CCBE1: variants seen among roughly 807,000 people sequenced by gnomAD.
The protein encoded by CCBE1 is collagen and calcium binding EGF domains 1, also known as collagen and calcium-binding EGF domain-containing protein 1.
CCBE1 carries 37 observed loss-of-function variants against 50.0 expected under a neutral mutation model. That is an observed-to-expected ratio of 0.74 (90% CI 0.57 to 0.97). The LOEUF is 0.97. CCBE1 is among the 50% of genes least tolerant of loss of function. The pLI is 0.00. For synonymous variants in CCBE1, 234 were observed against 203.7 expected (o/e 1.15, Z -1.27); for missense variants, 538 against 523.8 (o/e 1.03, Z -0.26).
chr18:59,566,551 G>A (rs547277783), intron 2 of CCBE1, among the ~76,000 whole-genome samples: 1 of 152,248 alleles, frequency 6.6e-6, no homozygotes, highest in African/African-American at 2.4e-5. Flanking sequence ...TCAGGCATTT[G>A]TTTGGAAAAG....
At chr18:59,497,261 T>C (rs931106496) in intron 2 of CCBE1, among the ~76,000 whole-genome samples, 20 of 152,134 alleles carry the variant, frequency 1.3e-4, no homozygotes, top group African/African-American at 2.9e-4. Context: ...CAAGTGATAA[T>C]TGAATGCTGA....
In CCBE1 at chr18:59,590,986, TGTAATC is replaced by T. The variant is rs1378528110; in HGVS notation, c.212+105637_212+105642del. ...TAGGCCGGGCGCGGTGGCTCACGCT[TGTAATC>T]CCAGCACTTTGGGAGGCCGAGGCGG... is the stretch of plus-strand genomic sequence containing the variant. On this transcript the variant is annotated intron_variant, in intron 2 of 10. Coordinates refer to ENST00000439986, the MANE Select transcript of CCBE1 (RefSeq NM_133459.4). Among the ~76,000 whole-genome samples, 5 of 98,088 alleles carry T rather than the reference TGTAATC, an allele frequency of 5.1e-5. 1 individual carries two copies. The highest frequency in any genetic ancestry group is 6.2e-5 in the African/African-American group (1 of 16,246). The allele number at this position is 98,088 out of a possible 152,430, so 64.3% of individuals were successfully genotyped here.
intron 4 of CCBE1, among the ~76,000 whole-genome samples, chr18:59,468,923 A>G (rs750812848): frequency 1.6e-4 from 24 of 151,912 alleles, no homozygotes; most frequent in Admixed American, 6.6e-4. Flanking sequence ...CATGGTTCCA[A>G]TGGAAAATGA....
At chr18:59,625,648 A>G (rs886854617) in intron 2 of CCBE1, among the ~76,000 whole-genome samples, 1 of 152,212 alleles carries the variant, frequency 6.6e-6, no homozygotes, top group African/African-American at 2.4e-5. Flanking sequence ...ATGCAGAACC[A>G]GCTGCTGGGA....
intron 2 of CCBE1, among the ~76,000 whole-genome samples, chr18:59,484,633 GA>G (rs1233729647): frequency 6.6e-6 from 1 of 152,206 alleles, no homozygotes; most frequent in Non-Finnish European, 1.5e-5. Context: ...ACTCCATCAA[GA>G]GAAGATCTGA....
intron 2 of CCBE1, among the ~76,000 whole-genome samples, chr18:59,567,626 G>T (rs1179375236): frequency 6.6e-6 from 1 of 152,110 alleles, no homozygotes; most frequent in East Asian, 1.9e-4. Context: ...TTCTATCAGT[G>T]ACCCATGCTC....
intron 10 of CCBE1, among the ~76,000 whole-genome samples, chr18:59,437,168 T>A (rs1247895761): frequency 6.6e-6 from 1 of 152,202 alleles, no homozygotes; most frequent in East Asian, 1.9e-4. Flanking sequence ...TAGTATTTAC[T>A]AAGCCTTAAT....
chr18:59,629,105 G>A (rs537810680), intron 2 of CCBE1, among the ~76,000 whole-genome samples: 1 of 152,188 alleles, frequency 6.6e-6, no homozygotes, highest in East Asian at 1.9e-4. Flanking sequence ...CTCTCCAAGG[G>A]CTCCCATGCC....
chr18:59,605,635 G>A (rs1456782015), intron 2 of CCBE1, among the ~76,000 whole-genome samples: 1 of 152,092 alleles, frequency 6.6e-6, no homozygotes, highest in African/African-American at 2.4e-5. Context: ...ATGACAAGGA[G>A]CCTCTTTGAC....
chr18:59,588,032 A>T (rs1004274919), intron 2 of CCBE1, among the ~76,000 whole-genome samples: 1 of 152,260 alleles, frequency 6.6e-6, no homozygotes, highest in Admixed American at 6.5e-5. Flanking sequence ...GACTTGTATT[A>T]TACATATGTT....
At chr18:59,489,528 C>T (rs745466525) in intron 2 of CCBE1, among the ~76,000 whole-genome samples, 14 of 152,194 alleles carry the variant, frequency 9.2e-5, no homozygotes, top group Non-Finnish European at 1.6e-4. Flanking sequence ...ATTCTCCTGC[C>T]TCAGTCTCCC....
chr18:59,583,357 C>CA (rs2053115084), intron 2 of CCBE1, among the ~76,000 whole-genome samples: 1 of 152,178 alleles, frequency 6.6e-6, no homozygotes, highest in South Asian at 2.1e-4. Context: ...AAAGGAACTT[C>CA]AAGGCACTTC....
intron 2 of CCBE1, among the ~76,000 whole-genome samples, chr18:59,491,306 G>A (rs1382488350): frequency 1.3e-5 from 2 of 152,116 alleles, no homozygotes; most frequent in Non-Finnish European, 2.9e-5. Context: ...CTGCAAGTCT[G>A]CCATTGCTCC....
At chr18:59,656,169 T>C (rs1167269673) in intron 2 of CCBE1, among the ~76,000 whole-genome samples, 4 of 152,226 alleles carry the variant, frequency 2.6e-5, no homozygotes, top group Non-Finnish European at 5.9e-5. Context: ...AATTTTACAA[T>C]TATATTATTA....
chr18:59,572,141 G>A (rs992473072), intron 2 of CCBE1, among the ~76,000 whole-genome samples: 1 of 152,180 alleles, frequency 6.6e-6, no homozygotes, highest in Admixed American at 6.5e-5. Context: ...CATAGTTACT[G>A]AGCATGAAAA....
chr18:59,600,064 T>C (rs1304152965), intron 2 of CCBE1, among the ~76,000 whole-genome samples: 1 of 152,114 alleles, frequency 6.6e-6, no homozygotes, highest in Non-Finnish European at 1.5e-5. Context: ...GCTTTTGCTG[T>C]GTATGTCAGA....
At chr18:59,673,802 G>A (rs9955505) in intron 2 of CCBE1, among the ~76,000 whole-genome samples, 1,815 of 152,290 alleles carry the variant, frequency 0.012, 32 homozygotes, top group African/African-American at 0.042. Context: ...CAACTTGATC[G>A]TGGTAGATAA....
chr18:59,598,038 G>C (rs2053380362), intron 2 of CCBE1, among the ~76,000 whole-genome samples: 1 of 152,174 alleles, frequency 6.6e-6, no homozygotes, highest in South Asian at 2.1e-4. Context: ...GAAAGTGTAG[G>C]GAAAATGGAG....
intron 2 of CCBE1, among the ~76,000 whole-genome samples, chr18:59,613,163 T>C (rs1023151989): frequency 4.6e-5 from 7 of 152,048 alleles, no homozygotes; most frequent in Admixed American, 6.6e-5. Flanking sequence ...CCTGTGTATC[T>C]ACACCAGCTG....
Sources: allele counts gnomAD v4.1 joint callset (sites outside exome capture counted in the v4.1 genomes callset), GRCh38; gene constraint gnomAD v4.1.1; transcripts MANE v1.5; gene names NCBI Gene and HGNC (gene_info 2026-07-23, HGNC 2026-07-21).